The following SKIC3 variants were observed in gnomAD, a reference collection of about 807,000 sequenced individuals.
SKIC3 encodes superkiller complex protein 3.
At chr5:95,522,563 T>G in the SKIC3 span, among the ~76,000 whole-genome samples, 1 of 152,114 alleles carries the variant, frequency 6.6e-6, no homozygotes, top group African/African-American at 2.4e-5. Context: ...CTTGATTATC[T>G]TGAAGAACTC....
At chr5:95,467,685 C>G in the SKIC3 span, among the ~76,000 whole-genome samples, 2 of 152,088 alleles carry the variant, frequency 1.3e-5, no homozygotes, top group Non-Finnish European at 2.9e-5. Context: ...TCATTTTCAA[C>G]AGATGTAACA....
the SKIC3 span, chr5:95,512,754 C>CT: frequency 1.3e-5 from 13 of 980,670 alleles, no homozygotes; most frequent in Admixed American, 2.4e-4. Flanking sequence ...TTAAAAGTAC[C>CT]TTTAAATGAA....
chr5:95,542,093 C>T, the SKIC3 span, among the ~76,000 whole-genome samples: 3 of 152,058 alleles, frequency 2.0e-5, no homozygotes, highest in African/African-American at 7.2e-5. Context: ...TCGGAGGGCA[C>T]AGGTAAAGTG....
the SKIC3 span, chr5:95,464,114 A>C: frequency 6.3e-6 from 1 of 158,602 alleles, no homozygotes; most frequent in East Asian, 1.8e-4. Flanking sequence ...ATCACTAGAT[A>C]AATAGGTTAC....
the SKIC3 span, among the ~76,000 whole-genome samples, chr5:95,465,308 A>C: frequency 6.6e-6 from 1 of 152,038 alleles, no homozygotes; most frequent in African/African-American, 2.4e-5. Flanking sequence ...TCACCTCTAA[A>C]CTCTTACTCA....
the SKIC3 span, among the ~76,000 whole-genome samples, chr5:95,474,002 T>G: frequency 6.6e-6 from 1 of 152,206 alleles, no homozygotes; most frequent in Non-Finnish European, 1.5e-5. Context: ...TCAAAAAAGG[T>G]ATTTCCTAGG....
At chr5:95,515,905 T>C in the SKIC3 span, among the ~76,000 whole-genome samples, 1 of 152,132 alleles carries the variant, frequency 6.6e-6, no homozygotes, top group Non-Finnish European at 1.5e-5. Flanking sequence ...CAAATTACAC[T>C]TGCTATTTAA....
the SKIC3 span, among the ~76,000 whole-genome samples, chr5:95,475,538 A>G: frequency 6.6e-6 from 1 of 152,158 alleles, no homozygotes; most frequent in Non-Finnish European, 1.5e-5. Flanking sequence ...AGAAGTCGCT[A>G]TGCTTACTGT....
chr5:95,516,229 G>A, the SKIC3 span: 11 of 900,714 alleles, frequency 1.2e-5, no homozygotes, highest in East Asian at 2.9e-4. Flanking sequence ...TAGCATACTG[G>A]AGAGCATACT....
the SKIC3 span, chr5:95,464,247 T>A: frequency 5.8e-6 from 1 of 173,764 alleles, no homozygotes. Flanking sequence ...TACTTTTGCA[T>A]ATTACATAGA....
the SKIC3 span, among the ~76,000 whole-genome samples, chr5:95,496,593 A>C: frequency 2.6e-5 from 4 of 152,294 alleles, no homozygotes; most frequent in East Asian, 7.7e-4. Flanking sequence ...CCTCCCAAGC[A>C]CCCAGCAGAA....
the SKIC3 span, among the ~76,000 whole-genome samples, chr5:95,481,637 G>A: frequency 6.6e-6 from 1 of 152,080 alleles, no homozygotes; most frequent in Non-Finnish European, 1.5e-5. Flanking sequence ...TCAGCTAGAT[G>A]TTCTGAGGTC....
chr5:95,470,037 C>T, the SKIC3 span: 22 of 1,116,226 alleles, frequency 2.0e-5, no homozygotes, highest in Non-Finnish European at 2.4e-5. Context: ...AGTGCAGTGG[C>T]GCGATCTCGG....
At chr5:95,516,224 T>C in the SKIC3 span, 20 of 864,584 alleles carry the variant, frequency 2.3e-5, no homozygotes, top group African/African-American at 6.8e-5. Flanking sequence ...TTAACTAGCA[T>C]ACTGGAGAGC....
chr5:95,467,715 A>G, the SKIC3 span: 1 of 1,101,210 alleles, frequency 9.1e-7, no homozygotes, highest in Non-Finnish European at 1.3e-6. Context: ...GTAGTCTTTT[A>G]TTAGCCAAAA....
At chr5:95,508,028 G>C in the SKIC3 span, among the ~76,000 whole-genome samples, 1 of 151,858 alleles carries the variant, frequency 6.6e-6, no homozygotes, top group South Asian at 2.1e-4. Context: ...CAGTTTACTG[G>C]TAAGTTTGTT....
At chr5:95,512,392 A>C in the SKIC3 span, 1 of 1,467,756 alleles carries the variant, frequency 6.8e-7, no homozygotes, top group East Asian at 2.5e-5. Flanking sequence ...CCAATATTTA[A>C]TTTGACATGA....
At chr5:95,533,651 T>C in the SKIC3 span, among the ~76,000 whole-genome samples, 3 of 152,196 alleles carry the variant, frequency 2.0e-5, no homozygotes, top group Non-Finnish European at 2.9e-5. Flanking sequence ...TGCTGTGATA[T>C]AGACCTTCTT....
chr5:95,497,549 C>T, the SKIC3 span: 1 of 1,246,186 alleles, frequency 8.0e-7, no homozygotes. Context: ...AATGTACAAG[C>T]AACCAACAAT....
Sources: allele counts gnomAD v4.1 joint callset (sites outside exome capture counted in the v4.1 genomes callset), GRCh38; gene constraint gnomAD v4.1.1; transcripts MANE v1.5; gene names NCBI Gene and HGNC (gene_info 2026-07-23, HGNC 2026-07-21).